DENND2B: variants seen among roughly 807,000 people sequenced by gnomAD.
The protein encoded by DENND2B is DENN domain-containing protein 2B.
In DENND2B, 32 loss-of-function variants were observed where a neutral mutation model predicts 116.0. The ratio of observed to expected loss-of-function variants is 0.28; its 90% CI spans 0.21 to 0.37. The LOEUF (loss-of-function observed/expected upper bound fraction) is 0.37, where lower values mean the gene tolerates loss of function less well. Among genes scored for constraint, DENND2B ranks in the 10% least tolerant of loss-of-function variants. The pLI is 1.00. For synonymous variants in DENND2B, 588 were observed against 583.9 expected (o/e 1.01, Z -0.10); for missense variants, 1,276 against 1,477.7 (o/e 0.86, Z 2.24).
intron 1 of DENND2B, among the ~76,000 whole-genome samples, chr11:8,888,243 T>C (rs1594343087): frequency 6.6e-6 from 1 of 152,166 alleles, no homozygotes; most frequent in Non-Finnish European, 1.5e-5. Flanking sequence ...GCTGTACACA[T>C]TTCCTGAAAC....
At chr11:8,850,358 A>G (rs922923255) in intron 3 of DENND2B, among the ~76,000 whole-genome samples, 49 of 152,178 alleles carry the variant, frequency 3.2e-4, no homozygotes, top group Non-Finnish European at 5.9e-4. Flanking sequence ...ATAGTAAGAA[A>G]ACAACTTATT....
At chr11:8,724,709 G>C (rs1326596836) in intron 4 of DENND2B, among the ~76,000 whole-genome samples, 1 of 152,162 alleles carries the variant, frequency 6.6e-6, no homozygotes, top group Admixed American at 6.5e-5. Context: ...TTCTGAACAA[G>C]AGGAACTGAC....
intron 1 of DENND2B, among the ~76,000 whole-genome samples, chr11:8,775,291 C>CA (rs1383735399): frequency 6.6e-6 from 1 of 152,036 alleles, no homozygotes; most frequent in Non-Finnish European, 1.5e-5. Flanking sequence ...ACAAGAATGT[C>CA]AAATACTTAA....
intron 17 of DENND2B, 24 bp downstream of exon 17, chr11:8,697,501 A>C: frequency 6.3e-7 from 1 of 1,588,958 alleles, no homozygotes; most frequent in Non-Finnish European, 8.6e-7. Context: ...AGCAGAGCTG[A>C]CCGTGCCCGG....
intron 7 of DENND2B, 121 bp from the exon 8 acceptor site, chr11:8,714,163 C>T: frequency 1.9e-6 from 2 of 1,046,740 alleles, no homozygotes; most frequent in Non-Finnish European, 1.5e-6. Context: ...CTACTCTGGG[C>T]CCATGGTCAG....
intron 3 of DENND2B, among the ~76,000 whole-genome samples, chr11:8,840,405 G>A (rs1469565845): frequency 6.6e-6 from 1 of 152,064 alleles, no homozygotes; most frequent in Non-Finnish European, 1.5e-5. Flanking sequence ...CCACAAGAAA[G>A]GCTCAGAAGA....
At chr11:8,810,816 C>T (rs1173454723), upstream of DENND2B, 1 of 152,130 alleles carries the variant, frequency 6.6e-6, no homozygotes, top group Non-Finnish European at 1.5e-5. Flanking sequence ...GTCTCTCTCT[C>T]TCTCTCTCTC....
chr11:8,742,766 G>A (rs979097703), intron 2 of DENND2B, among the ~76,000 whole-genome samples: 15 of 152,318 alleles, frequency 9.8e-5, no homozygotes, highest in East Asian at 7.7e-4. Context: ...ATTAAGAAAT[G>A]GCTTCCAGAT....
At position 8,827,834 on chromosome 11, in the gene DENND2B, T is replaced by G. The variant is rs546315984; in HGVS notation, c.-115+11476A>C. On this transcript the variant is annotated intron_variant, in intron 4 of 6. Coordinates refer to the DENND2B transcript ENST00000524757. The stretch of plus-strand genomic sequence containing the variant: ...CTCAACGACATCTGACTTCACCTTA[T>G]GCTCTGAGGGTTGGGAGAGAATGGG... Among the ~76,000 whole-genome samples, 5 of 152,368 alleles carry G rather than the reference T, an allele frequency of 3.3e-5. No homozygotes were observed. In the East Asian group the frequency reaches 7.7e-4, roughly 23 times the overall value.
chr11:8,786,174 C>A (rs2058881979), intron 1 of DENND2B, among the ~76,000 whole-genome samples: 1 of 152,184 alleles, frequency 6.6e-6, no homozygotes, highest in Admixed American at 6.6e-5. Flanking sequence ...TAGCTCAGCT[C>A]CTCACAGAGT....
At chr11:8,825,634 A>C (rs1469628605) in intron 4 of DENND2B, among the ~76,000 whole-genome samples, 1 of 152,072 alleles carries the variant, frequency 6.6e-6, no homozygotes, top group Non-Finnish European at 1.5e-5. Flanking sequence ...ATTGGGAGGG[A>C]TAATGAATAT....
intron 4 of DENND2B, among the ~76,000 whole-genome samples, chr11:8,837,796 G>A (rs1282933054): frequency 1.1e-4 from 17 of 152,222 alleles, no homozygotes; most frequent in Non-Finnish European, 1.5e-5. Context: ...GCTTGGACAT[G>A]TTAGCAAACA....
chr11:8,774,885 T>C (rs943872231), intron 1 of DENND2B, among the ~76,000 whole-genome samples: 5 of 151,526 alleles, frequency 3.3e-5, no homozygotes, highest in African/African-American at 1.2e-4. Context: ...TAATTATTAT[T>C]TTCACTTTTT....
intron 1 of DENND2B, among the ~76,000 whole-genome samples, chr11:8,884,564 C>G (rs1386249643): frequency 1.3e-5 from 2 of 152,130 alleles, no homozygotes; most frequent in East Asian, 3.9e-4. Flanking sequence ...GGTAGGTTTA[C>G]AGGATTGGGT....
Position 8,699,305 on chromosome 11 carries a change from A to C in DENND2B, c.2806T>G (p.Ser936Ala). The C allele has an allele frequency of 4.4e-6, 7 of 1,604,976 alleles. No homozygotes were observed. Among genetic ancestry groups the C allele is most frequent in the Non-Finnish European group, 5.9e-6 (7 of 1,177,846 alleles). Reference protein sequence around the residue: ...QHTFIPVLPASMIDIVCCPTP... With the variant: ...QHTFIPVLPAAMIDIVCCPTP... ...GGACAGCAGACGATGTCAATCATGGAGGCCGGGAGGACAGGAATGAAGGTG... is the reference window on the plus strand; with the variant it reads ...GGACAGCAGACGATGTCAATCATGGCGGCCGGGAGGACAGGAATGAAGGTG... The change falls in exon 15 of 20, where the codon TCC becomes GCC. Residue 936 changes from serine to alanine, a missense_variant. Ser to Ala is a moderately conservative substitution (Grantham distance 99). Transcript: ENST00000313726.
chr11:8,886,931 C>T (rs748647495), intron 1 of DENND2B, among the ~76,000 whole-genome samples: 4 of 152,088 alleles, frequency 2.6e-5, no homozygotes, highest in Non-Finnish European at 4.4e-5. Context: ...CGGGTTCAAG[C>T]GATTCTCCTG....
intron 1 of DENND2B, among the ~76,000 whole-genome samples, chr11:8,901,229 C>CTTTTCTTTTCTTTTTTTT (rs781408078): frequency 8.3e-5 from 7 of 83,914 alleles, no homozygotes; most frequent in Non-Finnish European, 1.1e-4. Flanking sequence ...CTTTTCTTTT[C>CTTTTCTTTTCTTTTTTTT]TTTTTTTTTT....
At chr11:8,695,216 T>C (rs1362050730) in intron 19 of DENND2B, among the ~76,000 whole-genome samples, 1 of 152,240 alleles carries the variant, frequency 6.6e-6, no homozygotes, top group African/African-American at 2.4e-5. Flanking sequence ...TGAGCATCTG[T>C]GGATTTTGGT....
In DENND2B at chr11:8,702,679, G is replaced by A. The variant is rs1376419317; in HGVS notation, c.2613C>T (p.His871=). The A allele has an allele frequency of 1.1e-5, 17 of 1,613,812 alleles. No individual in the cohort carries two copies. Among genetic ancestry groups the A allele is most frequent in the African/African-American group, 2.7e-5 (2 of 74,922 alleles). ...AGGTAAAAAGGCACTCAAAGTCCAC[G>A]TGCTCCAGCCTTGAGTCCATGGGCC... ...LRRPMDSRLE[H]VDFECLFTCL... The change falls in exon 14 of 20, where the codon CAC becomes CAT. Residue 871 remains histidine, a synonymous_variant. Coordinates refer to ENST00000313726, the MANE Select transcript of DENND2B (RefSeq NM_213618.2). The surrounding 1 kb of genome is among the most constrained non-coding windows in gnomAD (Gnocchi z 4.6).
Sources: allele counts gnomAD v4.1 joint callset (sites outside exome capture counted in the v4.1 genomes callset), GRCh38; gene constraint gnomAD v4.1.1; non-coding constraint Gnocchi (gnomAD v3.1); transcripts MANE v1.5; gene names NCBI Gene and HGNC (gene_info 2026-07-23, HGNC 2026-07-21).